Variants in EFCAB3 observed in about 807,000 individuals in gnomAD.
EFCAB3 encodes EF-hand calcium binding domain 3.
Under a neutral mutation model 42.2 loss-of-function variants are expected in EFCAB3, and 36 were observed. That is an observed-to-expected ratio of 0.85 (90% CI 0.65 to 1.13). EFCAB3 has a LOEUF of 1.13. EFCAB3 is among the 50% of genes most tolerant of loss of function. EFCAB3 has a pLI of 0.00. For missense variants in EFCAB3, 418 were observed against 505.1 expected (o/e 0.83, Z 1.65); for synonymous variants, 170 against 172.8 (o/e 0.98, Z 0.13).
upstream of EFCAB3, among the ~76,000 whole-genome samples, chr17:62,377,713 A>G (rs1287442299): frequency 6.6e-6 from 1 of 152,228 alleles, no homozygotes; most frequent in African/African-American, 2.4e-5. Flanking sequence ...ACTTCTTTAC[A>G]TCCTAAAAGA....
At chr17:62,397,516 T>C (rs2144089719) in intron 6 of EFCAB3, 2 of 566,614 alleles carry the variant, frequency 3.5e-6, no homozygotes, top group South Asian at 2.8e-5. Flanking sequence ...AGGCCAACCC[T>C]TTTGAGGGTT....
chr17:62,390,143 G>T (rs981123490), intron 3 of EFCAB3, among the ~76,000 whole-genome samples: 2 of 152,170 alleles, frequency 1.3e-5, no homozygotes, highest in East Asian at 3.8e-4. Flanking sequence ...AGCAATAGCC[G>T]GAGGGGGAAA....
chr17:62,381,485 C>G (rs1474456907), intron 1 of EFCAB3, among the ~76,000 whole-genome samples: 2 of 152,152 alleles, frequency 1.3e-5, no homozygotes, highest in Admixed American at 1.3e-4. Context: ...GTTTCTCAAA[C>G]TATGCCAAGT....
chr17:62,406,495 A>G lies in EFCAB3; in HGVS notation c.504A>G (p.Lys168=). The change falls in exon 7 of 10, where the codon AAA becomes AAG. Residue 168 remains lysine (K), a synonymous_variant. Transcript: ENST00000305286. Reference sequence around the variant, plus strand: ...TTTTTTAAAGCTATTTCCAAAGAAAATTCCAGCATACTGGCCCAGGAATGT... The same window carrying G: ...TTTTTTAAAGCTATTTCCAAAGAAAGTTCCAGCATACTGGCCCAGGAATGT... The part of the protein sequence containing the change: ...IIEIVSYFQR[K]FQHTGPGMLW... 1 of 1,584,024 alleles carries G rather than the reference A, an allele frequency of 6.3e-7. No homozygotes were observed.
chr17:62,385,061 GT>G (rs2070237155), intron 2 of EFCAB3, among the ~76,000 whole-genome samples: 1 of 152,114 alleles, frequency 6.6e-6, no homozygotes, highest in Non-Finnish European at 1.5e-5. Context: ...CTTATGATGG[GT>G]TTATAAGGAG....
At chr17:62,399,301 G>A (rs899757173) in intron 6 of EFCAB3, among the ~76,000 whole-genome samples, 1 of 151,742 alleles carries the variant, frequency 6.6e-6, no homozygotes, top group Admixed American at 6.6e-5. Context: ...CCAAATGCCT[G>A]AGATTACAGG....
chr17:62,374,305 A>G (rs1052860829), intron 2 of EFCAB3, among the ~76,000 whole-genome samples: 10 of 152,142 alleles, frequency 6.6e-5, no homozygotes, highest in Admixed American at 1.3e-4. Context: ...TACTAAAAAT[A>G]CAAAAATTAA....
intron 6 of EFCAB3, among the ~76,000 whole-genome samples, chr17:62,405,696 T>A (rs1450554867): frequency 6.6e-6 from 1 of 152,188 alleles, no homozygotes; most frequent in Non-Finnish European, 1.5e-5. Context: ...AAGTCAGATG[T>A]TTATACTATG....
At chr17:62,411,799 A>G (rs2070497401) in intron 8 of EFCAB3, among the ~76,000 whole-genome samples, 1 of 119,212 alleles carries the variant, frequency 8.4e-6, no homozygotes, top group Non-Finnish European at 1.7e-5. Context: ...AGAGAAAGAG[A>G]TGGAGGGAGG....
intron 9 of EFCAB3, among the ~76,000 whole-genome samples, chr17:62,415,310 G>A (rs2070537143): frequency 6.6e-6 from 1 of 151,986 alleles, no homozygotes; most frequent in Non-Finnish European, 1.5e-5. Flanking sequence ...TCTCAATGAT[G>A]GCAATTTCAA....
intron 2 of EFCAB3, among the ~76,000 whole-genome samples, chr17:62,385,966 A>G (rs1403996856): frequency 6.6e-6 from 1 of 150,572 alleles, no homozygotes; most frequent in Non-Finnish European, 1.5e-5. Context: ...TGACCTCGTG[A>G]TCCACCCGCC....
intron 9 of EFCAB3, among the ~76,000 whole-genome samples, chr17:62,414,148 T>C (rs1362217091): frequency 6.6e-6 from 1 of 152,266 alleles, no homozygotes; most frequent in Non-Finnish European, 1.5e-5. Context: ...ATTAAGGTAG[T>C]TAACCAACAG....
At chr17:62,378,971 A>G (rs1401976606), upstream of EFCAB3, among the ~76,000 whole-genome samples, 1 of 152,186 alleles carries the variant, frequency 6.6e-6, no homozygotes, top group Non-Finnish European at 1.5e-5. Context: ...TTGATGATCT[A>G]TTAGTTATCT....
upstream of EFCAB3, among the ~76,000 whole-genome samples, chr17:62,377,314 A>G (rs2070158598): frequency 6.6e-6 from 1 of 152,028 alleles, no homozygotes; most frequent in South Asian, 2.1e-4. Context: ...ATAATACATT[A>G]TTGGTTTATC....
intron 4 of EFCAB3, among the ~76,000 whole-genome samples, chr17:62,393,209 G>T (rs2070319343): frequency 6.6e-6 from 1 of 152,174 alleles, no homozygotes; most frequent in South Asian, 2.1e-4. Flanking sequence ...TAGAGGAAAT[G>T]GAATACAGCT....
chr17:62,376,840 A>C (rs949939072), upstream of EFCAB3, among the ~76,000 whole-genome samples: 5 of 152,206 alleles, frequency 3.3e-5, no homozygotes, highest in Non-Finnish European at 2.9e-5. Context: ...TCCACATGAG[A>C]ATTTCTAAAA....
chr17:62,402,804 TA>T (rs2070415369), intron 6 of EFCAB3, among the ~76,000 whole-genome samples: 1 of 152,224 alleles, frequency 6.6e-6, no homozygotes, highest in Non-Finnish European at 1.5e-5. Context: ...GCTGGCCTCA[TA>T]AAATGAGTTA....
At chr17:62,415,913 G>A (rs1482048280) in intron 9 of EFCAB3, 90 bp from the exon 10 acceptor site, 24 of 1,121,524 alleles carry the variant, frequency 2.1e-5, no homozygotes, top group Non-Finnish European at 3.1e-5. Context: ...AGTAGCCCAG[G>A]GACATAACTC....
intron 6 of EFCAB3, among the ~76,000 whole-genome samples, chr17:62,402,794 G>A (rs1222371718): frequency 1.3e-5 from 2 of 152,198 alleles, no homozygotes; most frequent in Non-Finnish European, 2.9e-5. Context: ...TCAGGATGAT[G>A]CTGGCCTCAT....
Sources: gnomAD v4.1 joint callset for allele counts (sites outside exome capture counted in the v4.1 genomes callset) on GRCh38, gnomAD v4.1.1 for gene constraint, MANE v1.5 for transcripts, NCBI Gene and HGNC (gene_info 2026-07-23, HGNC 2026-07-21) for gene names.